Variants in PCDHGA8 observed in about 807,000 individuals in gnomAD.
PCDHGA8 encodes the protein protocadherin gamma subfamily A, 8, also known as protocadherin gamma-A8.
A neutral mutation model predicts 59.2 loss-of-function variants in PCDHGA8; 45 were observed. The ratio of observed to expected loss-of-function variants is 0.76; its 90% CI spans 0.60 to 0.98. The LOEUF is 0.98. PCDHGA8 is among the 50% of genes least tolerant of loss of function. The probability of loss-of-function intolerance (pLI) is 0.00; values close to 1 mark genes in which losing one functional copy is unlikely to be tolerated. For synonymous variants in PCDHGA8, 531 were observed against 519.0 expected, an observed-to-expected ratio of 1.02 and a Z score of -0.32; for missense variants, 1,257 against 1,196.2, an observed-to-expected ratio of 1.05 and a Z score of -0.75.
At position 141,431,316 on chromosome 5, in the gene PCDHGA8, C is replaced by T; in HGVS notation, c.2424+36079C>T. 6.2e-7 allele frequency: 1 copy of T among 1,614,104 alleles called. No individual in the cohort carries two copies. The highest frequency in any genetic ancestry group is 8.5e-7 in the Non-Finnish European group (1 of 1,180,046). The stretch of plus-strand genomic sequence containing the variant: ...TTCTCCCTCATCGTGCAAAATGGAG[C>T]CGACGGTAGTAAGTACCCCGAATTG... On this transcript the variant is annotated intron_variant, in intron 1 of 3. Transcript: ENST00000398604. The surrounding 1 kb of genome is among the most constrained non-coding windows in gnomAD (Gnocchi z 4.8).
intron 1 of PCDHGA8, chr5:141,398,034 A>G: frequency 6.8e-7 from 1 of 1,475,238 alleles, no homozygotes; most frequent in South Asian, 1.4e-5. Context: ...AACTGGAACT[A>G]AAGCCCGTTC....
intron 1 of PCDHGA8, chr5:141,478,776 A>T: frequency 1.3e-6 from 2 of 1,488,808 alleles, no homozygotes; most frequent in Non-Finnish European, 1.8e-6. Context: ...TCATCTGTGG[A>T]CCTAATTCAC....
In PCDHGA8 at chr5:141,419,984, C is replaced by A. The variant is rs918632592; in HGVS notation, c.2424+24747C>A. ...TGTGCTCTTTCTCCTCGCGGTGATT[C>A]TAGCTATTGCTCTACGCCTGCGACA... On this transcript the variant is annotated intron_variant, in intron 1 of 3. Transcript: ENST00000398604. 27 of 1,613,962 alleles carry A rather than the reference C, an allele frequency of 1.7e-5. No individual in the cohort carries two copies. The highest frequency in any genetic ancestry group is 2.2e-5 in the Non-Finnish European group (26 of 1,179,912).
chr5:141,420,187 CA>C (rs779974762), intron 1 of PCDHGA8: 25 of 1,613,706 alleles, frequency 1.5e-5, no homozygotes, highest in Non-Finnish European at 2.1e-5. Flanking sequence ...ATTGTCCAGC[CA>C]CACAAGATAA....
Position 141,486,971 on chromosome 5 carries a change from T to G in PCDHGA8, c.2425-7836T>G. ...AAAGGTGACTGCTGTGGACTTGGAT[T>G]CAGGTTACAATGCTTGGGTTTCCTA... On this transcript the variant is annotated intron_variant, in intron 1 of 3. Transcript: ENST00000398604. The surrounding 1 kb of genome is among the most constrained non-coding windows in gnomAD (Gnocchi z 5.0). The G allele has an allele frequency of 6.2e-7, 1 of 1,614,220 alleles. No homozygotes were observed. The highest frequency in any genetic ancestry group is 8.5e-7 in the Non-Finnish European group (1 of 1,180,042).
chr5:141,477,220 G>A lies in PCDHGA8; in HGVS notation c.2425-17587G>A. 24 of 1,614,190 alleles carry A rather than the reference G, an allele frequency of 1.5e-5. No individual in the cohort carries two copies. The highest frequency in any genetic ancestry group is 1.9e-5 in the Non-Finnish European group (23 of 1,180,040). ...CAGTACCCGAGGATGCCCCTCTGGG[G>A]ACTGTCATCGCTTTGCTCAGTGTGA... is the stretch of plus-strand genomic sequence containing the variant. On this transcript the variant is annotated intron_variant, in intron 1 of 3. Coordinates refer to ENST00000398604, the MANE Select transcript of PCDHGA8 (RefSeq NM_032088.2). The surrounding 1 kb of genome is among the most constrained non-coding windows in gnomAD (Gnocchi z 4.9).
At position 141,431,215 on chromosome 5, in the gene PCDHGA8, C is replaced by G. The variant is rs1225114172; in HGVS notation, c.2424+35978C>G. 1 of 1,614,184 alleles carries G rather than the reference C, an allele frequency of 6.2e-7. No individual in the cohort carries two copies. Among genetic ancestry groups the G allele is most frequent in the Admixed American group, 1.7e-5 (1 of 60,032 alleles). On this transcript the variant is annotated intron_variant, in intron 1 of 3. Coordinates refer to ENST00000398604, the MANE Select transcript of PCDHGA8 (RefSeq NM_032088.2). This position sits in a 1 kb window ranked among gnomAD's most constrained non-coding sequence, Gnocchi z 4.8. ...AAAATGCAGCCACTGAGATGCGGTTCCCTCTACCCCACGCCTGGGATCCGG... is the reference window on the plus strand; with the variant it reads ...AAAATGCAGCCACTGAGATGCGGTTGCCTCTACCCCACGCCTGGGATCCGG...
chr5:141,435,910 G>T (rs1296707748), intron 1 of PCDHGA8, among the ~76,000 whole-genome samples: 2 of 152,112 alleles, frequency 1.3e-5, no homozygotes, highest in Non-Finnish European at 2.9e-5. Flanking sequence ...ACATCCAAGG[G>T]CTCTAAAATG....
Position 141,394,395 on chromosome 5 carries a change from C to G in PCDHGA8, c.1582C>G (p.Leu528Val), listed in dbSNP as rs1238779909. 2 of 1,614,146 alleles carry G rather than the reference C, an allele frequency of 1.2e-6. No homozygotes were observed. The highest frequency in any genetic ancestry group is 1.7e-6 in the Non-Finnish European group (2 of 1,180,062). ...TTTCGACTATGAGCAGATCCGAGACCTGCAGCTACTGGTAACAGCCAGCGA... is the reference window on the plus strand; with the variant it reads ...TTTCGACTATGAGCAGATCCGAGACGTGCAGCTACTGGTAACAGCCAGCGA... ...QSFDYEQIRDLQLLVTASDSG... is the reference protein window; with the variant it reads ...QSFDYEQIRDVQLLVTASDSG... The change falls in exon 1 of 4, where the codon CTG becomes GTG. Residue 528 changes from leucine (L) to valine (V), a missense_variant. Physicochemically the swap from Leu to Val is conservative, Grantham distance 32. Transcript: ENST00000398604.
In PCDHGA8 at chr5:141,490,755, C is replaced by T; in HGVS notation, c.2425-4052C>T. ...AGGTTCAGGGAGCCCCAGCCTCCTC[C>T]TTTGTGTATGTCAACCCAGAGGATG... On this transcript the variant is annotated intron_variant, in intron 1 of 3. Transcript: ENST00000398604. This position sits in a 1 kb window ranked among gnomAD's most constrained non-coding sequence, Gnocchi z 5.4. 1 of 1,614,190 alleles carries T rather than the reference C, an allele frequency of 6.2e-7. No individual in the cohort carries two copies. Among genetic ancestry groups the T allele is most frequent in the Non-Finnish European group, 8.5e-7 (1 of 1,180,026 alleles).
chr5:141,408,641 T>C, intron 1 of PCDHGA8: 1 of 1,614,034 alleles, frequency 6.2e-7, no homozygotes, highest in Non-Finnish European at 8.5e-7. Context: ...CGAATCTGCA[T>C]CCGCTGGTAC....
intron 1 of PCDHGA8, among the ~76,000 whole-genome samples, chr5:141,438,641 C>T (rs1285585706): frequency 0.044 from 3,509 of 79,018 alleles, 123 homozygotes; most frequent in Non-Finnish European, 0.061. Flanking sequence ...TATATACACA[C>T]ACACACACAC....
At chr5:141,415,447 T>C in intron 1 of PCDHGA8, 1 of 1,614,200 alleles carries the variant, frequency 6.2e-7, no homozygotes, top group South Asian at 1.1e-5. Context: ...GCAGACCTAT[T>C]CCCACGAGGT....
intron 3 of PCDHGA8, 86 bp downstream of exon 3, chr5:141,505,567 T>C: frequency 6.3e-7 from 1 of 1,599,440 alleles, no homozygotes; most frequent in South Asian, 1.1e-5. Flanking sequence ...ACGGACTGGA[T>C]GTCAAACCTG....
At chr5:141,478,719 T>C in intron 1 of PCDHGA8, 1 of 1,543,882 alleles carries the variant, frequency 6.5e-7, no homozygotes, top group South Asian at 1.2e-5. Context: ...GATGGTGGCC[T>C]GCCAGAGTGT....
intron 1 of PCDHGA8, chr5:141,422,076 G>C (rs2096622180): frequency 1.2e-6 from 2 of 1,612,270 alleles, no homozygotes; most frequent in South Asian, 1.1e-5. Flanking sequence ...ATTCATTTCG[G>C]AACATGGAAA....
At position 141,432,455 on chromosome 5, in the gene PCDHGA8, G is replaced by A; in HGVS notation, c.2424+37218G>A. The A allele has an allele frequency of 6.2e-7, 1 of 1,614,176 alleles. No individual in the cohort carries two copies. The highest frequency in any genetic ancestry group is 8.5e-7 in the Non-Finnish European group (1 of 1,180,042). On this transcript the variant is annotated intron_variant, in intron 1 of 3. Transcript: ENST00000398604. The surrounding 1 kb of genome is among the most constrained non-coding windows in gnomAD (Gnocchi z 6.0). ...CAATGCGCCCGAGATCCTGTACCCCGCCCTCCCCACGGACGGTTCCACTGG... is the reference window on the plus strand; with the variant it reads ...CAATGCGCCCGAGATCCTGTACCCCACCCTCCCCACGGACGGTTCCACTGG...
Position 141,393,228 on chromosome 5 carries a change from G to C in PCDHGA8, c.415G>C (p.Glu139Gln), listed in dbSNP as rs753113857. The change falls in exon 1 of 4, where the codon GAA becomes CAA. Residue 139 changes from glutamate (E) to glutamine (Q), a missense_variant. Physicochemically the swap from Glu to Gln is conservative, Grantham distance 29. Transcript: ENST00000398604. ...NNPKFQVEDL[E>Q]VKINEIAVPG... ...CCCAAAATTCCAGGTCGAAGATCTA[G>C]AAGTAAAAATTAACGAAATCGCGGT... 2 of 1,613,720 alleles carry C rather than the reference G, an allele frequency of 1.2e-6. No homozygotes were observed. The highest frequency in any genetic ancestry group is 2.2e-5 in the East Asian group (1 of 44,880).
chr5:141,455,833 G>A (rs999291826), intron 1 of PCDHGA8, among the ~76,000 whole-genome samples: 1 of 151,468 alleles, frequency 6.6e-6, no homozygotes, highest in Admixed American at 6.6e-5. Flanking sequence ...CCCTTTTCCT[G>A]TCTATCTGCA....
Sources: gnomAD v4.1 joint callset for allele counts (sites outside exome capture counted in the v4.1 genomes callset) on GRCh38, gnomAD v4.1.1 for gene constraint, Gnocchi (gnomAD v3.1) non-coding constraint, MANE v1.5 for transcripts, NCBI Gene and HGNC (gene_info 2026-07-23, HGNC 2026-07-21) for gene names.